The following SMYD3 variants were observed in gnomAD, a reference collection of about 807,000 sequenced individuals.
The protein encoded by SMYD3 is SET and MYND domain containing 3.
Under a neutral mutation model 57.7 loss-of-function variants are expected in SMYD3, and 36 were observed. The ratio of observed to expected loss-of-function variants is 0.62; its 90% CI spans 0.48 to 0.82. SMYD3 has a LOEUF of 0.82. Among genes scored for constraint, SMYD3 ranks in the 40% least tolerant of loss-of-function variants. The probability of loss-of-function intolerance (pLI) is 0.00; values close to 1 mark genes in which losing one functional copy is unlikely to be tolerated. For synonymous variants in SMYD3, 211 were observed against 195.0 expected (o/e 1.08, Z -0.68); for missense variants, 515 against 538.8 (o/e 0.96, Z 0.44).
At chr1:246,035,730 C>T (rs1572922947) in intron 5 of SMYD3, 1 of 152,150 alleles carries the variant, frequency 6.6e-6, no homozygotes, top group Non-Finnish European at 1.5e-5. Context: ...GCAACATGCG[C>T]TCATCCATAT....
chr1:246,401,985 G>T (rs1425481851), intron 1 of SMYD3, among the ~76,000 whole-genome samples: 4 of 152,226 alleles, frequency 2.6e-5, no homozygotes, highest in Admixed American at 1.3e-4. Flanking sequence ...GCCTCCCAAA[G>T]TGCTGGGATT....
chr1:245,988,020 G>C (rs536516301), intron 5 of SMYD3, among the ~76,000 whole-genome samples: 15 of 152,028 alleles, frequency 9.9e-5, no homozygotes, highest in African/African-American at 3.6e-4. Context: ...GAGAATCACC[G>C]CTCCATACCT....
rs897309944 is a variant in SMYD3 at position 246,049,248 on chromosome 1, C to A, written c.532-119311G>T. 4.6e-5 allele frequency among the ~76,000 whole-genome samples: 7 copies of A among 152,064 alleles called. 1 individual carries two copies. Among genetic ancestry groups the A allele is most frequent in the Admixed American group, 1.3e-4 (2 of 15,272 alleles). Reference sequence around the variant, plus strand: ...GCAAGGGGAAGACTTATCAAAGCCACCTCACAAAAAACAGAGTCGTTAAAT... The same window carrying A: ...GCAAGGGGAAGACTTATCAAAGCCAACTCACAAAAAACAGAGTCGTTAAAT... On this transcript the variant is annotated intron_variant, in intron 5 of 11. Coordinates refer to ENST00000490107, the MANE Select transcript of SMYD3 (RefSeq NM_001167740.2).
At chr1:246,391,151 C>T (rs1160347796) in intron 1 of SMYD3, among the ~76,000 whole-genome samples, 1 of 144,478 alleles carries the variant, frequency 6.9e-6, no homozygotes, top group East Asian at 2.1e-4. Context: ...TTTGGGAGGT[C>T]AAAGTGAGAG....
chr1:245,806,842 G>A (rs547175278), intron 10 of SMYD3, among the ~76,000 whole-genome samples: 18 of 148,154 alleles, frequency 1.2e-4, no homozygotes, highest in African/African-American at 2.3e-4. Context: ...CCCGGGAGGC[G>A]GAGCTTGCAG....
chr1:246,278,895 C>T (rs1472586215), intron 5 of SMYD3, among the ~76,000 whole-genome samples: 1 of 152,200 alleles, frequency 6.6e-6, no homozygotes, highest in African/African-American at 2.4e-5. Flanking sequence ...CCAATAAAGT[C>T]GGCATTTTCA....
chr1:245,865,087 G>C (rs2051759345), intron 8 of SMYD3, among the ~76,000 whole-genome samples: 1 of 152,192 alleles, frequency 6.6e-6, no homozygotes, highest in Non-Finnish European at 1.5e-5. Context: ...CTTGTTGAAT[G>C]AATGACTGAA....
intron 5 of SMYD3, among the ~76,000 whole-genome samples, chr1:246,212,224 T>C (rs76156063): frequency 1.3e-5 from 2 of 152,196 alleles, no homozygotes; most frequent in East Asian, 1.9e-4. Flanking sequence ...GACACAGTAA[T>C]TGTATATCTA....
intron 1 of SMYD3, among the ~76,000 whole-genome samples, chr1:246,395,390 T>C (rs1373908926): frequency 1.3e-5 from 2 of 152,238 alleles, no homozygotes; most frequent in African/African-American, 2.4e-5. Flanking sequence ...TCTCATGCAG[T>C]CCAAGTGGAA....
chr1:246,413,369 A>T (rs917596456), intron 1 of SMYD3, among the ~76,000 whole-genome samples: 9 of 152,206 alleles, frequency 5.9e-5, no homozygotes, highest in African/African-American at 1.9e-4. Flanking sequence ...ATTAAAATCC[A>T]CCAGGCAAAA....
chr1:246,064,819 G>A (rs2060313675), intron 5 of SMYD3, among the ~76,000 whole-genome samples: 1 of 152,234 alleles, frequency 6.6e-6, no homozygotes. Context: ...ACTGGGAACC[G>A]TGCATCGTTC....
At chr1:246,036,175 A>G (rs545060956) in intron 5 of SMYD3, among the ~76,000 whole-genome samples, 35 of 152,376 alleles carry the variant, frequency 2.3e-4, no homozygotes, top group African/African-American at 7.2e-4. Context: ...AAGTCCTTCA[A>G]GTTATCATTT....
chr1:246,013,059 C>T (rs1040093892), intron 5 of SMYD3, among the ~76,000 whole-genome samples: 4 of 152,110 alleles, frequency 2.6e-5, no homozygotes, highest in South Asian at 2.1e-4. Context: ...TCACATGTGC[C>T]GAGAAGACAA....
At chr1:245,826,462 G>A (rs1490236203) in intron 10 of SMYD3, among the ~76,000 whole-genome samples, 2 of 152,070 alleles carry the variant, frequency 1.3e-5, no homozygotes, top group Non-Finnish European at 2.9e-5. Flanking sequence ...CGATCCTCCT[G>A]CCTCAGCCTC....
chr1:246,068,153 A>C (rs1160086721), intron 5 of SMYD3, among the ~76,000 whole-genome samples: 31 of 152,274 alleles, frequency 2.0e-4, no homozygotes, highest in Non-Finnish European at 1.5e-5. Context: ...TGGAGGAAGG[A>C]GCCTCCTGGA....
intron 8 of SMYD3, among the ~76,000 whole-genome samples, chr1:245,879,903 A>T (rs1270727013): frequency 6.6e-6 from 1 of 152,244 alleles, no homozygotes; most frequent in Non-Finnish European, 1.5e-5. Flanking sequence ...CCCTAGAGAC[A>T]GCACAGGTGC....
intron 5 of SMYD3, among the ~76,000 whole-genome samples, chr1:246,123,615 C>T (rs1188859616): frequency 6.8e-6 from 1 of 147,990 alleles, no homozygotes; most frequent in East Asian, 1.9e-4. Context: ...CACACACACA[C>T]ACACAAATCA....
At chr1:245,856,547 G>T (rs910004876) in intron 10 of SMYD3, among the ~76,000 whole-genome samples, 2 of 152,186 alleles carry the variant, frequency 1.3e-5, no homozygotes, top group African/African-American at 4.8e-5. Context: ...TACAAGAAAG[G>T]CCTCTTTGTT....
At chr1:246,484,921 C>T (rs112331334) in intron 1 of SMYD3, among the ~76,000 whole-genome samples, 3 of 24,076 alleles carry the variant, frequency 1.2e-4, no homozygotes, top group East Asian at 1.5e-3. Context: ...ACTAGTTACA[C>T]CTGAAAACAC....
Sources: allele counts gnomAD v4.1 joint callset (sites outside exome capture counted in the v4.1 genomes callset), GRCh38; gene constraint gnomAD v4.1.1; transcripts MANE v1.5; gene names NCBI Gene and HGNC (gene_info 2026-07-23, HGNC 2026-07-21).